Variants in EIF4G3 observed in about 807,000 individuals in gnomAD.
The protein encoded by EIF4G3 is eukaryotic translation initiation factor 4 gamma 3.
A neutral mutation model predicts 186.4 loss-of-function variants in EIF4G3; 34 were observed. That is an observed-to-expected ratio of 0.18 (90% confidence interval 0.14 to 0.24). The LOEUF (loss-of-function observed/expected upper bound fraction) is 0.24. EIF4G3 is among the 10% of genes least tolerant of loss of function. EIF4G3 has a pLI of 1.00. For missense variants in EIF4G3, 1,536 were observed against 1,948.5 expected, an observed-to-expected ratio of 0.79 and a Z score of 3.99; for synonymous variants, 673 against 679.5, an observed-to-expected ratio of 0.99 and a Z score of 0.15.
At chr1:20,843,262 T>A in intron 29 of EIF4G3, among the ~76,000 whole-genome samples, 1 of 150,746 alleles carries the variant, frequency 6.6e-6, no homozygotes, top group East Asian at 2.0e-4. Flanking sequence ...ACACCTGTAA[T>A]CCCAGCACGT....
intron 2 of EIF4G3, among the ~76,000 whole-genome samples, chr1:21,119,376 A>C (rs2096886705): frequency 6.6e-6 from 1 of 152,136 alleles, no homozygotes; most frequent in Non-Finnish European, 1.5e-5. Context: ...AACATAGCTA[A>C]ATTTCCTTTA....
chr1:20,808,663 A>G (rs1237484251), intron 36 of EIF4G3, among the ~76,000 whole-genome samples: 1 of 152,168 alleles, frequency 6.6e-6, no homozygotes, highest in African/African-American at 2.4e-5. Context: ...CCTGGGTGAC[A>G]GAGCGAGAGT....
intron 21 of EIF4G3, 116 bp downstream of exon 21, chr1:20,865,000 A>G (rs1189402540): frequency 8.2e-7 from 1 of 1,212,746 alleles, no homozygotes. Flanking sequence ...ACATGGAAAA[A>G]AAAAGGCCAT....
intron 30 of EIF4G3, among the ~76,000 whole-genome samples, chr1:20,830,811 T>C (rs549756530): frequency 6.6e-6 from 1 of 152,324 alleles, no homozygotes; most frequent in East Asian, 1.9e-4. Context: ...AAAAAACTTT[T>C]TTGGCTGAAC....
At chr1:20,983,412 A>C (rs1379713936) in intron 7 of EIF4G3, among the ~76,000 whole-genome samples, 1 of 152,210 alleles carries the variant, frequency 6.6e-6, no homozygotes, top group Non-Finnish European at 1.5e-5. Flanking sequence ...TTTGGTGACA[A>C]CATTTTTTTG....
Position 20,830,967 on chromosome 1 carries a change from T to C in EIF4G3, c.4062-1695A>G, listed in dbSNP as rs537886714. Among the ~76,000 whole-genome samples, 17 of 152,348 alleles carry C rather than the reference T, an allele frequency of 1.1e-4. No homozygotes were observed. The South Asian group carries it at 3.5e-3, about 32-fold the overall frequency. ...AACTGTCTTTATGTCTTTGCACTAC[T>C]ACATAGCCTATATTAATGCTTTGCA... is the stretch of plus-strand genomic sequence containing the variant. On this transcript the variant is annotated intron_variant, in intron 30 of 36. Transcript: ENST00000602326.
At chr1:20,813,355 G>GGAGTTGA (rs1317592311) in intron 34 of EIF4G3, 116 bp from the exon 35 acceptor site, 2 of 522,326 alleles carry the variant, frequency 3.8e-6, no homozygotes, top group African/African-American at 4.1e-5. Context: ...CTTGAGGCTA[G>GGAGTTGA]GAGTTGAGAC....
chr1:21,141,909 T>G (rs2097347047), intron 2 of EIF4G3, among the ~76,000 whole-genome samples: 1 of 151,670 alleles, frequency 6.6e-6, no homozygotes, highest in South Asian at 2.1e-4. Context: ...CCATCCAACC[T>G]GTGCAACAGA....
intron 33 of EIF4G3, among the ~76,000 whole-genome samples, chr1:20,822,355 C>CTTTTTTTTTTTTTTTTTTTTTTTTT (rs57050580): frequency 1.5e-5 from 1 of 65,048 alleles, no homozygotes; most frequent in Admixed American, 2.6e-4. Context: ...AAAGAACCAG[C>CTTTTTTTTTTTTTTTTTTTTTTTTT]TTTTTTTTTT....
At chr1:21,052,849 C>T (rs1337612523) in intron 3 of EIF4G3, among the ~76,000 whole-genome samples, 1 of 152,260 alleles carries the variant, frequency 6.6e-6, no homozygotes, top group African/African-American at 2.4e-5. Context: ...TCCCGAGGTG[C>T]CGGGATGGCA....
chr1:21,142,181 G>A (rs1389096555), intron 2 of EIF4G3, among the ~76,000 whole-genome samples: 2 of 151,812 alleles, frequency 1.3e-5, no homozygotes, highest in South Asian at 2.1e-4. Context: ...CTCACCTCAG[G>A]GAAAAAACAT....
intron 2 of EIF4G3, among the ~76,000 whole-genome samples, chr1:21,128,029 C>G (rs552289196): frequency 1.3e-5 from 2 of 151,326 alleles, no homozygotes; most frequent in South Asian, 4.2e-4. Flanking sequence ...ACGGTGAAAC[C>G]CCATCTCTAA....
intron 14 of EIF4G3, among the ~76,000 whole-genome samples, chr1:20,906,638 A>G (rs929477515): frequency 6.6e-6 from 1 of 152,158 alleles, no homozygotes; most frequent in Non-Finnish European, 1.5e-5. Context: ...CTTCAGTAAT[A>G]TAACATATTT....
chr1:20,852,193 G>T (rs921239517), intron 27 of EIF4G3, among the ~76,000 whole-genome samples: 4 of 152,078 alleles, frequency 2.6e-5, no homozygotes, highest in African/African-American at 9.7e-5. Flanking sequence ...TTACAGACAG[G>T]GTTTCTCCAT....
At chr1:20,950,234 G>A in intron 12 of EIF4G3, 123 bp from the exon 13 acceptor site, 1 of 570,972 alleles carries the variant, frequency 1.8e-6, no homozygotes, top group Non-Finnish European at 2.8e-6. Context: ...AAAAAGGAAA[G>A]CAAGGAAAAA....
intron 22 of EIF4G3, 51 bp downstream of exon 22, chr1:20,864,425 T>C (rs765686343): frequency 3.0e-6 from 4 of 1,335,770 alleles, no homozygotes; most frequent in Non-Finnish European, 4.3e-6. Flanking sequence ...TAAGTTCTTT[T>C]GCAACTGACA....
chr1:20,951,769 G>C (rs2096232529), intron 12 of EIF4G3, among the ~76,000 whole-genome samples: 2 of 151,740 alleles, frequency 1.3e-5, no homozygotes, highest in South Asian at 2.1e-4. Context: ...GGCAGGGTAA[G>C]TGCTAAAAGT....
At position 20,899,827 on chromosome 1, in the gene EIF4G3, C is replaced by T; in HGVS notation, c.1869G>A (p.Val623=). Residue 623 remains valine (V), a synonymous_variant, in exon 16 of 37, where the codon GTG becomes GTA. Coordinates refer to ENST00000602326, the MANE Select transcript of EIF4G3 (RefSeq NM_001391906.1). Reference sequence around the variant, plus strand: ...GCTCAGCTTCTTCTCCATTTTCTTCCACAGCTTTCACTTTTTTTAGGTCAG... The same window carrying T: ...GCTCAGCTTCTTCTCCATTTTCTTCTACAGCTTTCACTTTTTTTAGGTCAG... ...DPSDLKKVKA[V]EENGEEAEPV... 6.2e-7 allele frequency: 1 copy of T among 1,614,126 alleles called. No homozygotes were observed. The highest frequency in any genetic ancestry group is 1.1e-5 in the South Asian group (1 of 91,078).
chr1:20,855,128 T>C, intron 25 of EIF4G3, 57 bp from the exon 26 acceptor site: 1 of 1,399,708 alleles, frequency 7.1e-7, no homozygotes, highest in Non-Finnish European at 9.8e-7. Flanking sequence ...GAATAGTTTT[T>C]CTTTTATTTT....
Sources: allele counts gnomAD v4.1 joint callset (sites outside exome capture counted in the v4.1 genomes callset), GRCh38; gene constraint gnomAD v4.1.1; transcripts MANE v1.5; gene names NCBI Gene and HGNC (gene_info 2026-07-23, HGNC 2026-07-21).